PLEKHA6: variants seen among roughly 807,000 people sequenced by gnomAD.
The protein encoded by PLEKHA6 is pleckstrin homology domain containing A6.
In PLEKHA6, 60 loss-of-function variants were observed where a neutral mutation model predicts 116.7. The observed-to-expected ratio is 0.51, with a 90% CI of 0.42 to 0.64. The LOEUF (loss-of-function observed/expected upper bound fraction) is 0.64, where lower values mean the gene tolerates loss of function less well. Ranked by LOEUF, PLEKHA6 falls within the 30% of genes least tolerant of loss-of-function variation. The pLI is 0.00. For synonymous variants in PLEKHA6, 489 were observed against 556.1 expected (o/e 0.88, Z 1.70); for missense variants, 1,338 against 1,422.7 (o/e 0.94, Z 0.96).
chr1:204,316,710 T>A (rs191230874), intron 1 of PLEKHA6, among the ~76,000 whole-genome samples: 38 of 152,366 alleles, frequency 2.5e-4, no homozygotes, highest in African/African-American at 8.9e-4. Context: ...TTTAAGCCCA[T>A]TCTCCACTGG....
intron 1 of PLEKHA6, among the ~76,000 whole-genome samples, chr1:204,278,621 G>A (rs55886802): frequency 0.023 from 3,536 of 152,330 alleles, 62 homozygotes; most frequent in Non-Finnish European, 0.038. Context: ...AAGTTGGTAG[G>A]ATGTAACTGG....
intron 1 of PLEKHA6, chr1:204,309,674 A>T (rs1452961838): frequency 2.3e-6 from 2 of 875,004 alleles, no homozygotes; most frequent in Non-Finnish European, 2.7e-6. Context: ...GTAATGCATG[A>T]CCATATTGAG....
intron 1 of PLEKHA6, among the ~76,000 whole-genome samples, chr1:204,284,037 G>A (rs546039425): frequency 1.1e-3 from 175 of 152,336 alleles, no homozygotes; most frequent in Admixed American, 1.9e-3. Flanking sequence ...GCTGAATAGC[G>A]GCTGAAGGAG....
At chr1:204,243,132 G>A (rs929969716) in intron 15 of PLEKHA6, 5 of 399,172 alleles carry the variant, frequency 1.3e-5, no homozygotes, top group Non-Finnish European at 4.4e-6. Context: ...TGGCTGTCTC[G>A]CCACTGCGGT....
intron 1 of PLEKHA6, among the ~76,000 whole-genome samples, chr1:204,323,295 A>G (rs1391976327): frequency 2.6e-5 from 4 of 152,214 alleles, no homozygotes; most frequent in African/African-American, 9.6e-5. Context: ...CTGACATTTA[A>G]TAGGTCTTTT....
At chr1:204,254,051 A>T (rs986472662) in intron 9 of PLEKHA6, among the ~76,000 whole-genome samples, 3 of 152,206 alleles carry the variant, frequency 2.0e-5, no homozygotes, top group African/African-American at 2.4e-5. Context: ...AGCCAATCAC[A>T]TGGGTGACAG....
intron 14 of PLEKHA6, 63 bp from the exon 15 acceptor site, chr1:204,245,066 G>A: frequency 8.5e-7 from 1 of 1,180,716 alleles, no homozygotes; most frequent in Non-Finnish European, 1.1e-6. Context: ...GGGTAGATGG[G>A]CACTGTGAGT....
Position 204,233,422 on chromosome 1 carries a change from C to A in PLEKHA6, c.2410-2836G>T, listed in dbSNP as rs190995792. ...GGGGTGTGATCTCAGCTGACTGCCA[C>A]CTCTGCCTCCCAGGTTCAAGCGATT... On this transcript the variant is annotated intron_variant, in intron 17 of 22. Transcript: ENST00000272203. 2.0e-5 allele frequency among the ~76,000 whole-genome samples: 3 copies of A among 151,038 alleles called. No homozygotes were observed. The East Asian group carries it at 5.9e-4, about 30-fold the overall frequency.
chr1:204,310,246 A>T (rs919851648), intron 1 of PLEKHA6, among the ~76,000 whole-genome samples: 8 of 152,128 alleles, frequency 5.3e-5, no homozygotes, highest in Non-Finnish European at 8.8e-5. Context: ...TTCACTGAAT[A>T]CTTTTCTATA....
At chr1:204,276,360 G>T (rs1362186123) in intron 1 of PLEKHA6, among the ~76,000 whole-genome samples, 1 of 152,028 alleles carries the variant, frequency 6.6e-6, no homozygotes, top group Non-Finnish European at 1.5e-5. Flanking sequence ...CTCCCTCCCA[G>T]GTCCAACAAG....
chr1:204,332,042 G>A (rs1445180464), intron 1 of PLEKHA6, among the ~76,000 whole-genome samples: 7 of 152,290 alleles, frequency 4.6e-5, no homozygotes, highest in African/African-American at 1.7e-4. Context: ...CAGGAAGAGA[G>A]ACAAGTGGAC....
At chr1:204,329,414 C>T (rs534825524) in intron 1 of PLEKHA6, among the ~76,000 whole-genome samples, 41 of 152,130 alleles carry the variant, frequency 2.7e-4, no homozygotes, top group Non-Finnish European at 4.3e-4. Flanking sequence ...GGGCCTCTTT[C>T]CAAAGCAAAA....
chr1:204,292,423 G>T (rs1669861190), intron 1 of PLEKHA6, among the ~76,000 whole-genome samples: 1 of 152,284 alleles, frequency 6.6e-6, no homozygotes, highest in South Asian at 2.1e-4. Flanking sequence ...TTTCCTCAGG[G>T]CCACAAGGAG....
At chr1:204,342,773 A>G (rs1312526096) in intron 1 of PLEKHA6, among the ~76,000 whole-genome samples, 1 of 152,186 alleles carries the variant, frequency 6.6e-6, no homozygotes, top group African/African-American at 2.4e-5. Flanking sequence ...CTAGAGTTGG[A>G]GGTAAGGAAG....
chr1:204,250,811 C>T (rs1177238090), intron 9 of PLEKHA6, among the ~76,000 whole-genome samples, 197 bp from the exon 10 acceptor site: 1 of 152,192 alleles, frequency 6.6e-6, no homozygotes, highest in Non-Finnish European at 1.5e-5. Context: ...AACCCCATCC[C>T]AGTTGTCCTA....
chr1:204,365,519 T>C (rs749510091), intron 3 of PLEKHA6, among the ~76,000 whole-genome samples: 7 of 152,166 alleles, frequency 4.6e-5, no homozygotes, highest in Non-Finnish European at 7.3e-5. Context: ...GGCTCTGCTT[T>C]GCTGGTATTT....
rs571023999 is a variant in PLEKHA6, at chr1:204,359,641, G to A, written c.-95+53C>T. ...CAGGCAGCTGCCAGCCCTGACCAGAGCCCAGCCTTCCTCCTCCCACCTCAT... is the reference window on the plus strand; with the variant it reads ...CAGGCAGCTGCCAGCCCTGACCAGAACCCAGCCTTCCTCCTCCCACCTCAT... On this transcript the variant is annotated intron_variant, in intron 1 of 22. Transcript: ENST00000272203. 7 of 985,310 alleles carry A rather than the reference G, an allele frequency of 7.1e-6. No homozygotes were observed. In the East Asian group the frequency reaches 5.7e-4, roughly 80 times the overall value. The allele number at this position is 985,310 out of a possible 1,614,324, so 61.0% of individuals were successfully genotyped here. A position where few individuals can be genotyped will look rare whatever the true frequency, so the allele number is the denominator to read the frequency against.
rs149485784 is a variant in PLEKHA6 at position 204,219,497 on chromosome 1, G to A, written c.*3291C>T. On this transcript the variant is annotated 3_prime_UTR_variant, in exon 23 of 23. Coordinates refer to ENST00000272203, the MANE Select transcript of PLEKHA6 (RefSeq NM_014935.5). ...ATCATGGAGGTAATGTGCTCATTGA[G>A]AAGGCCCTGGATGAATAATCAGAGC... The A allele has an allele frequency of 3.8e-4, 58 of 152,302 alleles. No individual in the cohort carries two copies. The highest frequency in any genetic ancestry group is 1.3e-3 in the African/African-American group (54 of 41,520). 9.4% of individuals were successfully genotyped at this position (152,302 alleles called of 1,614,324 possible).
chr1:204,254,269 C>T lies in PLEKHA6; in HGVS notation c.1524+3084G>A, dbSNP rs573266558. ...AGCTGCTTCTGGAGCTGGAATGCCA[C>T]GGCCTCCAGGGCCAGGAGCCATCCC... is the stretch of plus-strand genomic sequence containing the variant. On this transcript the variant is annotated intron_variant, in intron 9 of 22. Coordinates refer to ENST00000272203, the MANE Select transcript of PLEKHA6 (RefSeq NM_014935.5). Among the ~76,000 whole-genome samples, 9 of 152,330 alleles carry T rather than the reference C, an allele frequency of 5.9e-5. No homozygotes were observed. In the East Asian group the frequency reaches 1.5e-3, roughly 26 times the overall value.
Sources: gnomAD v4.1 joint callset for allele counts (sites outside exome capture counted in the v4.1 genomes callset) on GRCh38, gnomAD v4.1.1 for gene constraint, MANE v1.5 for transcripts, NCBI Gene and HGNC (gene_info 2026-07-23, HGNC 2026-07-21) for gene names.